The following GPR158 variants were observed in gnomAD, a reference collection of about 807,000 sequenced individuals.
GPR158 encodes the protein metabotropic glycine receptor.
In GPR158, 30 loss-of-function variants were observed where a neutral mutation model predicts 78.2. The ratio of observed to expected loss-of-function variants is 0.38; its 90% CI spans 0.29 to 0.52. The LOEUF (loss-of-function observed/expected upper bound fraction) is 0.52, where lower values mean the gene tolerates loss of function less well. Ranked by LOEUF, GPR158 falls within the 20% of genes least tolerant of loss-of-function variation. The pLI, the probability that GPR158 is intolerant of heterozygous loss-of-function variation, is 0.83. For missense variants in GPR158, 1,463 were observed against 1,523.5 expected (o/e 0.96, Z 0.66); for synonymous variants, 581 against 591.1 (o/e 0.98, Z 0.25).
intron 2 of GPR158, among the ~76,000 whole-genome samples, chr10:25,349,911 A>G (rs1855433629): frequency 6.6e-6 from 1 of 151,998 alleles, no homozygotes. Context: ...AGACTAAAGG[A>G]AAGCCGTACT....
chr10:25,317,978 C>T (rs985076109), intron 2 of GPR158, among the ~76,000 whole-genome samples: 16 of 152,142 alleles, frequency 1.1e-4, no homozygotes, highest in African/African-American at 3.6e-4. Context: ...ATCTGCCCGC[C>T]TCCCAAAGTG....
intron 2 of GPR158, among the ~76,000 whole-genome samples, chr10:25,286,604 G>T (rs377517074): frequency 0.012 from 1,823 of 150,954 alleles, 26 homozygotes; most frequent in South Asian, 0.058. Context: ...CAGTGTTGTT[G>T]TTTTTTTTTA....
intron 2 of GPR158, among the ~76,000 whole-genome samples, chr10:25,226,288 A>G (rs900214970): frequency 6.6e-6 from 1 of 152,178 alleles, no homozygotes; most frequent in Non-Finnish European, 1.5e-5. Flanking sequence ...ACTAGTGGCT[A>G]CCATGTTGAA....
At chr10:25,360,038 G>C (rs1015612404) in intron 2 of GPR158, among the ~76,000 whole-genome samples, 2 of 152,112 alleles carry the variant, frequency 1.3e-5, no homozygotes, top group East Asian at 3.9e-4. Context: ...TTTCATGTTT[G>C]TTGGCTGCAT....
intron 2 of GPR158, among the ~76,000 whole-genome samples, chr10:25,359,530 C>T (rs750809363): frequency 2.6e-5 from 4 of 151,952 alleles, no homozygotes; most frequent in Non-Finnish European, 5.9e-5. Context: ...CTTCCTGTGT[C>T]AGTTTGCTGA....
chr10:25,387,454 G>C (rs1003425971), intron 2 of GPR158, among the ~76,000 whole-genome samples: 1 of 151,586 alleles, frequency 6.6e-6, no homozygotes, highest in Non-Finnish European at 1.5e-5. Flanking sequence ...TACTTATCTG[G>C]CTTTGGTATA....
intron 2 of GPR158, among the ~76,000 whole-genome samples, chr10:25,383,831 C>A (rs77159241): frequency 2.5e-3 from 386 of 152,262 alleles, no homozygotes; most frequent in African/African-American, 8.8e-3. Flanking sequence ...TTATGGAATA[C>A]TTCTGTGAGC....
chr10:25,366,800 G>A (rs571612927), intron 2 of GPR158, among the ~76,000 whole-genome samples: 1 of 150,736 alleles, frequency 6.6e-6, no homozygotes, highest in Non-Finnish European at 1.5e-5. Flanking sequence ...TTTAGATTGT[G>A]TATTGATTAA....
intron 2 of GPR158, among the ~76,000 whole-genome samples, chr10:25,237,922 C>G (rs1158873319): frequency 6.6e-6 from 1 of 151,970 alleles, no homozygotes; most frequent in Non-Finnish European, 1.5e-5. Context: ...TTTTCCACCT[C>G]CCTCTTTCCC....
At chr10:25,243,792 A>C (rs1408991995) in intron 2 of GPR158, among the ~76,000 whole-genome samples, 3 of 152,188 alleles carry the variant, frequency 2.0e-5, no homozygotes, top group African/African-American at 7.2e-5. Flanking sequence ...TAATCAATAG[A>C]ATTGCATGTT....
At chr10:25,315,583 A>T (rs1308612561) in intron 2 of GPR158, among the ~76,000 whole-genome samples, 1 of 152,168 alleles carries the variant, frequency 6.6e-6, no homozygotes, top group African/African-American at 2.4e-5. Flanking sequence ...ATTCACATTG[A>T]TATGACTATT....
chr10:25,175,709 G>A lies in GPR158; in HGVS notation c.289G>A (p.Ala97Thr), dbSNP rs1296304780. The A allele has an allele frequency of 6.2e-7, 1 of 1,611,768 alleles. No homozygotes were observed. Among genetic ancestry groups the A allele is most frequent in the Non-Finnish European group, 8.5e-7 (1 of 1,179,932 alleles). Residue 97 changes from alanine to threonine, a missense_variant, in exon 1 of 11, where the codon GCC becomes ACC. Ala to Thr is a moderately conservative substitution (Grantham distance 58). Transcript: ENST00000376351. This position sits in a 1 kb window ranked among gnomAD's most constrained non-coding sequence, Gnocchi z 6.4. Reference sequence around the variant, plus strand: ...CGGGGACTCCCACCAGCTGAAGCGAGCCAACTGCTCCGGCCGCTACGAGTT... The same window carrying A: ...CGGGGACTCCCACCAGCTGAAGCGAACCAACTGCTCCGGCCGCTACGAGTT... Reference protein sequence around the residue: ...YTGDSHQLKRANCSGRYELAG... With the variant: ...YTGDSHQLKRTNCSGRYELAG...
chr10:25,524,350 G>C (rs150668469), intron 5 of GPR158, among the ~76,000 whole-genome samples: 1 of 152,244 alleles, frequency 6.6e-6, no homozygotes, highest in African/African-American at 2.4e-5. Context: ...TCAAAAAGCA[G>C]AACAAAATTG....
rs200216703 is a variant in GPR158 at position 25,175,615 on chromosome 10, C to T, written c.195C>T (p.Thr65=). The change falls in exon 1 of 11, where the codon ACC becomes ACT. Residue 65 remains threonine, a synonymous_variant. Coordinates refer to ENST00000376351, the MANE Select transcript of GPR158 (RefSeq NM_020752.3). The surrounding 1 kb of genome is among the most constrained non-coding windows in gnomAD (Gnocchi z 6.4). ...CCTCGGCTCCCTGGAGCCGCTCCAC[C>T]GATGGCACCATCTTGGCGCAGAAAC... ...SDSSAPWSRS[T]DGTILAQKLA... is the part of the protein sequence containing the mutation. 9.3e-6 allele frequency: 15 copies of T among 1,611,068 alleles called. No homozygotes were observed. The highest frequency in any genetic ancestry group is 1.7e-5 in the Admixed American group (1 of 60,016).
At chr10:25,245,627 A>G (rs1050157604) in intron 2 of GPR158, among the ~76,000 whole-genome samples, 1 of 152,330 alleles carries the variant, frequency 6.6e-6, no homozygotes, top group African/African-American at 2.4e-5. Flanking sequence ...TTAAAAAATC[A>G]TAAAAGTTTA....
chr10:25,286,392 C>T (rs1045423928), intron 2 of GPR158, among the ~76,000 whole-genome samples: 2 of 152,066 alleles, frequency 1.3e-5, no homozygotes, highest in African/African-American at 4.8e-5. Flanking sequence ...CATTCTTCAT[C>T]TTTGTTACTG....
intron 2 of GPR158, among the ~76,000 whole-genome samples, chr10:25,339,136 C>T (rs1855268092): frequency 1.3e-5 from 2 of 151,486 alleles, no homozygotes; most frequent in African/African-American, 4.9e-5. Flanking sequence ...AGGCTTGCAC[C>T]ACCATGCCTG....
chr10:25,212,973 A>AT (rs936680197), intron 1 of GPR158, among the ~76,000 whole-genome samples: 7 of 151,666 alleles, frequency 4.6e-5, no homozygotes, highest in Non-Finnish European at 7.4e-5. Flanking sequence ...TTTAGTTATA[A>AT]TTTTTTTTAC....
At chr10:25,351,490 C>T (rs1000919397) in intron 2 of GPR158, among the ~76,000 whole-genome samples, 4 of 151,818 alleles carry the variant, frequency 2.6e-5, no homozygotes, top group East Asian at 3.9e-4. Context: ...AACCAGGCAA[C>T]GTAGGATAAA....
Sources: allele counts gnomAD v4.1 joint callset (sites outside exome capture counted in the v4.1 genomes callset), GRCh38; gene constraint gnomAD v4.1.1; non-coding constraint Gnocchi (gnomAD v3.1); transcripts MANE v1.5; gene names NCBI Gene and HGNC (gene_info 2026-07-23, HGNC 2026-07-21).